Variants in KLHL29 observed in about 807,000 individuals in gnomAD.
The protein encoded by KLHL29 is kelch like family member 29, also known as kelch-like protein 29.
KLHL29 carries 21 observed loss-of-function variants against 80.4 expected under a neutral mutation model. The observed-to-expected ratio is 0.26, with a 90% CI of 0.19 to 0.38. The LOEUF is 0.38. Ranked by LOEUF, KLHL29 falls within the 10% of genes least tolerant of loss-of-function variation. KLHL29 has a pLI of 1.00. For synonymous variants in KLHL29, 511 were observed against 526.8 expected, an observed-to-expected ratio of 0.97 and a Z score of 0.41; for missense variants, 867 against 1,223.9, an observed-to-expected ratio of 0.71 and a Z score of 4.35.
At chr2:23,424,418 T>C (rs1439375607) in intron 1 of KLHL29, among the ~76,000 whole-genome samples, 6 of 152,232 alleles carry the variant, frequency 3.9e-5, no homozygotes, top group Non-Finnish European at 7.3e-5. Context: ...ACTGTTAAAT[T>C]GTTTCTATTA....
intron 2 of KLHL29, among the ~76,000 whole-genome samples, chr2:23,508,642 C>T (rs1016204453): frequency 2.0e-5 from 3 of 152,262 alleles, no homozygotes; most frequent in African/African-American, 4.8e-5. Flanking sequence ...GCCACAATAT[C>T]TCAGCCGCGG....
At chr2:23,422,479 G>T (rs1662846355) in intron 1 of KLHL29, among the ~76,000 whole-genome samples, 1 of 150,856 alleles carries the variant, frequency 6.6e-6, no homozygotes, top group Non-Finnish European at 1.5e-5. Flanking sequence ...TCTGTGTGTT[G>T]TGTGTCCCTG....
intron 2 of KLHL29, among the ~76,000 whole-genome samples, chr2:23,485,819 A>ATT (rs1226175152): frequency 5.9e-5 from 9 of 152,150 alleles, no homozygotes; most frequent in Non-Finnish European, 5.9e-5. Flanking sequence ...TCATGTGCAA[A>ATT]ATAGAGATTT....
At chr2:23,552,452 T>C (rs1343431003) in intron 2 of KLHL29, among the ~76,000 whole-genome samples, 3 of 152,200 alleles carry the variant, frequency 2.0e-5, no homozygotes, top group African/African-American at 7.2e-5. Context: ...GGTGAGGACT[T>C]GCTGCTGCTG....
Position 23,671,368 on chromosome 2 carries a change from C to G in KLHL29, c.941-13031C>G, listed in dbSNP as rs1364210696. ...TTTCCACTCCTTCTCTGAGCCGGCCCGTCACCTGCTGCAGGTGGCTGACTT... is the reference window on the plus strand; with the variant it reads ...TTTCCACTCCTTCTCTGAGCCGGCCGGTCACCTGCTGCAGGTGGCTGACTT... On this transcript the variant is annotated intron_variant, in intron 5 of 13. Transcript: ENST00000486442. 3.9e-5 allele frequency among the ~76,000 whole-genome samples: 6 copies of G among 152,104 alleles called. No individual in the cohort carries two copies. The East Asian group carries it at 1.2e-3, about 30-fold the overall frequency.
At chr2:23,464,044 A>G (rs754844979) in intron 1 of KLHL29, among the ~76,000 whole-genome samples, 5 of 152,246 alleles carry the variant, frequency 3.3e-5, no homozygotes, top group Non-Finnish European at 5.9e-5. Context: ...AAAGTAATGT[A>G]GCGGGTGAAG....
At chr2:23,450,220 A>G (rs554035944) in intron 1 of KLHL29, among the ~76,000 whole-genome samples, 1 of 152,142 alleles carries the variant, frequency 6.6e-6, no homozygotes, top group South Asian at 2.1e-4. Context: ...TCTCGGTGAG[A>G]CAGAGCACGA....
chr2:23,451,763 G>A (rs955529010), intron 1 of KLHL29, among the ~76,000 whole-genome samples: 1 of 152,184 alleles, frequency 6.6e-6, no homozygotes, highest in African/African-American at 2.4e-5. Context: ...CCAGAAAACT[G>A]GCCCACAGGC....
intron 1 of KLHL29, among the ~76,000 whole-genome samples, chr2:23,399,594 C>T (rs1486074183): frequency 6.6e-6 from 1 of 152,156 alleles, no homozygotes; most frequent in Non-Finnish European, 1.5e-5. Context: ...GAGGTGTGAT[C>T]GTTGAGAAGC....
chr2:23,699,340 T>C (rs1266406285), intron 11 of KLHL29, among the ~76,000 whole-genome samples: 1 of 152,174 alleles, frequency 6.6e-6, no homozygotes, highest in Non-Finnish European at 1.5e-5. Flanking sequence ...GGCCTCGCAT[T>C]GCGTCCAGGC....
At chr2:23,570,728 G>A (rs554928858) in intron 3 of KLHL29, among the ~76,000 whole-genome samples, 83 of 152,346 alleles carry the variant, frequency 5.4e-4, no homozygotes, top group Admixed American at 7.8e-4. Context: ...TAAGACAGTC[G>A]GCTAGGGTAG....
chr2:23,625,110 G>C (rs577293), intron 3 of KLHL29, among the ~76,000 whole-genome samples: 1 of 152,124 alleles, frequency 6.6e-6, no homozygotes. Flanking sequence ...AATGTGAGCC[G>C]TGGTCATCCA....
intron 13 of KLHL29, among the ~76,000 whole-genome samples, chr2:23,704,145 G>C (rs949830245): frequency 6.6e-6 from 1 of 152,254 alleles, no homozygotes; most frequent in Non-Finnish European, 1.5e-5. Context: ...CTCTCAGTGA[G>C]AGGTGAGGTC....
At chr2:23,543,340 C>T (rs866748892) in intron 2 of KLHL29, among the ~76,000 whole-genome samples, 30 of 152,114 alleles carry the variant, frequency 2.0e-4, no homozygotes, top group African/African-American at 6.8e-4. Context: ...TGGGCAGCGC[C>T]GGCGACCTCT....
At chr2:23,667,184 AC>A (rs1277496091) in intron 5 of KLHL29, 45 of 152,376 alleles carry the variant, frequency 3.0e-4, no homozygotes, top group African/African-American at 1.1e-3. Flanking sequence ...TGCAAGGACC[AC>A]AAGAATATTT....
At chr2:23,400,292 G>C (rs1354379897) in intron 1 of KLHL29, among the ~76,000 whole-genome samples, 1 of 152,164 alleles carries the variant, frequency 6.6e-6, no homozygotes. Context: ...CCTGTCCCCA[G>C]CTTGGCCTCT....
chr2:23,605,107 CTTTTTT>C (rs386389703), intron 3 of KLHL29, among the ~76,000 whole-genome samples: 3 of 92,478 alleles, frequency 3.2e-5, no homozygotes, highest in African/African-American at 1.3e-4. Context: ...TCCTTTGTTG[CTTTTTT>C]TTTTTTTTTT....
intron 3 of KLHL29, among the ~76,000 whole-genome samples, chr2:23,599,216 C>A (rs1479136943): frequency 6.6e-6 from 1 of 152,184 alleles, no homozygotes; most frequent in Non-Finnish European, 1.5e-5. Flanking sequence ...GGGTTCAAGG[C>A]CCGTGTTGCC....
chr2:23,396,653 C>T (rs147577093), intron 1 of KLHL29, among the ~76,000 whole-genome samples: 2,482 of 152,248 alleles, frequency 0.016, 27 homozygotes, highest in Non-Finnish European at 0.02. Context: ...CATGCTGTTC[C>T]AACCAGCTTT....
Sources: gnomAD v4.1 joint callset for allele counts (sites outside exome capture counted in the v4.1 genomes callset) on GRCh38, gnomAD v4.1.1 for gene constraint, MANE v1.5 for transcripts, NCBI Gene and HGNC (gene_info 2026-07-23, HGNC 2026-07-21) for gene names.